The following SEMA6D variants were observed in gnomAD, a reference collection of about 807,000 sequenced individuals.
SEMA6D encodes the protein semaphorin-6D.
In SEMA6D, 35 loss-of-function variants were observed where a neutral mutation model predicts 106.6. The ratio of observed to expected loss-of-function variants is 0.33; its 90% CI spans 0.25 to 0.44. The LOEUF is 0.44. Ranked by LOEUF, SEMA6D falls within the 20% of genes least tolerant of loss-of-function variation. SEMA6D has a pLI of 1.00. For missense variants in SEMA6D, 1,185 were observed against 1,345.9 expected, an observed-to-expected ratio of 0.88 and a Z score of 1.87; for synonymous variants, 499 against 487.7, an observed-to-expected ratio of 1.02 and a Z score of -0.31.
chr15:47,217,836 A>G lies in SEMA6D; in HGVS notation c.-239+33418A>G, dbSNP rs536660602. On this transcript the variant is annotated intron_variant, in intron 1 of 19. Transcript: ENST00000558014. ...TACACATACACACAAATACATGCAT[A>G]TACACACACCCCTGCTTCCTGCTTG... Among the ~76,000 whole-genome samples, 23 of 148,680 alleles carry G rather than the reference A, an allele frequency of 1.5e-4. No individual in the cohort carries two copies. The South Asian group carries it at 2.1e-3, about 14-fold the overall frequency.
At chr15:47,698,123 C>T (rs2078737438) in intron 4 of SEMA6D, among the ~76,000 whole-genome samples, 1 of 152,126 alleles carries the variant, frequency 6.6e-6, no homozygotes, top group Non-Finnish European at 1.5e-5. Flanking sequence ...GGTTATTTCC[C>T]ATTATTAAAA....
At chr15:47,243,372 G>C (rs2033027182) in intron 1 of SEMA6D, among the ~76,000 whole-genome samples, 2 of 151,546 alleles carry the variant, frequency 1.3e-5, no homozygotes, top group African/African-American at 4.9e-5. Flanking sequence ...AAGAGCCCAG[G>C]AGGCAAGAAT....
At chr15:47,416,676 A>G (rs1034149573) in intron 2 of SEMA6D, among the ~76,000 whole-genome samples, 5 of 152,128 alleles carry the variant, frequency 3.3e-5, no homozygotes, top group African/African-American at 1.2e-4. Flanking sequence ...TGGAGGTAAG[A>G]TATAATCAGC....
chr15:47,217,837 T>TAC (rs200743054), intron 1 of SEMA6D, among the ~76,000 whole-genome samples: 1,808 of 147,434 alleles, frequency 0.012, 39 homozygotes, highest in Admixed American at 0.013. Flanking sequence ...TACATGCATA[T>TAC]ACACACACCC....
intron 1 of SEMA6D, among the ~76,000 whole-genome samples, chr15:47,380,229 C>T (rs540286018): frequency 2.6e-5 from 4 of 152,326 alleles, no homozygotes; most frequent in African/African-American, 7.2e-5. Context: ...TAAACATACA[C>T]CCGATGACAA....
intron 1 of SEMA6D, among the ~76,000 whole-genome samples, chr15:47,286,653 T>C (rs1050666775): frequency 7.2e-5 from 11 of 152,118 alleles, no homozygotes; most frequent in Non-Finnish European, 1.5e-4. Context: ...TACATAAAAT[T>C]TGGCCTCCCA....
At chr15:47,340,825 G>C (rs1393751769) in intron 1 of SEMA6D, among the ~76,000 whole-genome samples, 1 of 152,124 alleles carries the variant, frequency 6.6e-6, no homozygotes, top group Non-Finnish European at 1.5e-5. Context: ...TGAGGTCCTG[G>C]TGTTTCCTGA....
At chr15:47,451,930 A>G (rs186419016) in intron 2 of SEMA6D, among the ~76,000 whole-genome samples, 1 of 152,140 alleles carries the variant, frequency 6.6e-6, no homozygotes, top group Admixed American at 6.6e-5. Flanking sequence ...ATACCTCAAT[A>G]TAGTTGATTT....
intron 3 of SEMA6D, among the ~76,000 whole-genome samples, chr15:47,572,803 A>T (rs1419705062): frequency 6.6e-6 from 1 of 152,224 alleles, no homozygotes; most frequent in East Asian, 1.9e-4. Flanking sequence ...TTATTCAAGC[A>T]AATAAATCAT....
chr15:47,350,829 C>G (rs1447609680), intron 1 of SEMA6D, among the ~76,000 whole-genome samples: 1 of 152,132 alleles, frequency 6.6e-6, no homozygotes. Context: ...TGAGTGGCTT[C>G]TTTATCTTAA....
chr15:47,722,501 T>C (rs1388087319), intron 1 of SEMA6D, among the ~76,000 whole-genome samples: 1 of 152,208 alleles, frequency 6.6e-6, no homozygotes, highest in Non-Finnish European at 1.5e-5. Context: ...ATAAGATATC[T>C]GTTATAGTAG....
intron 1 of SEMA6D, among the ~76,000 whole-genome samples, chr15:47,733,932 A>G (rs2080295525): frequency 6.6e-6 from 1 of 152,206 alleles, no homozygotes; most frequent in African/African-American, 2.4e-5. Flanking sequence ...AAGCATAAAG[A>G]GACAGAGAAA....
intron 4 of SEMA6D, among the ~76,000 whole-genome samples, chr15:47,630,279 G>C (rs1171064131): frequency 1.3e-5 from 2 of 151,740 alleles, no homozygotes; most frequent in Non-Finnish European, 3.0e-5. Flanking sequence ...TCATTGTTGT[G>C]ATTTGTTTCC....
chr15:47,337,608 G>A (rs2037619868), intron 1 of SEMA6D, among the ~76,000 whole-genome samples: 1 of 152,180 alleles, frequency 6.6e-6, no homozygotes, highest in African/African-American at 2.4e-5. Context: ...TTCCAACAAT[G>A]GGCAGAGAGA....
In SEMA6D at chr15:47,759,831, G is replaced by A. The variant is rs779376082; in HGVS notation, c.33G>A (p.Leu11=). The part of the protein sequence containing the change: MRVFLLCAYI[L]LLMVSQLRAV... ...TCTTCCTGCTTTGTGCCTACATACT[G>A]CTGCTGATGGTTTCCCAGTTGAGGG... Residue 11 remains leucine, a synonymous_variant, in exon 2 of 19, where the codon CTG becomes CTA. Coordinates refer to ENST00000536845, the MANE Select transcript of SEMA6D (RefSeq NM_001358351.3). The A allele has an allele frequency of 3.1e-6, 5 of 1,613,676 alleles. No individual in the cohort carries two copies. Among genetic ancestry groups the A allele is most frequent in the Non-Finnish European group, 4.2e-6 (5 of 1,179,754 alleles).
chr15:47,379,406 T>G (rs1005289983), intron 1 of SEMA6D, among the ~76,000 whole-genome samples: 1 of 152,148 alleles, frequency 6.6e-6, no homozygotes, highest in African/African-American at 2.4e-5. Context: ...TAAGGGAAAT[T>G]TCAAAGTAGA....
chr15:47,260,325 A>G (rs192184287), intron 1 of SEMA6D, among the ~76,000 whole-genome samples: 5 of 152,218 alleles, frequency 3.3e-5, no homozygotes. Context: ...TTAAATTTTT[A>G]TTTTAGCAAG....
chr15:47,765,077 C>T (rs757910047), intron 13 of SEMA6D, 21 bp downstream of exon 13: 58 of 1,612,162 alleles, frequency 3.6e-5, no homozygotes, highest in Middle Eastern at 1.7e-4. Context: ...GTTACGAGAA[C>T]GCCCTTCAGC....
chr15:47,322,966 C>T (rs1298827549), intron 1 of SEMA6D, among the ~76,000 whole-genome samples: 11 of 152,160 alleles, frequency 7.2e-5, no homozygotes, highest in Admixed American at 6.6e-4. Flanking sequence ...ATTTTAGTCT[C>T]TTAGTCTTTG....
Sources: allele counts gnomAD v4.1 joint callset (sites outside exome capture counted in the v4.1 genomes callset), GRCh38; gene constraint gnomAD v4.1.1; transcripts MANE v1.5; gene names NCBI Gene and HGNC (gene_info 2026-07-23, HGNC 2026-07-21).